Variants in SYNPR observed in about 807,000 individuals in gnomAD.
SYNPR encodes synaptoporin.
In SYNPR, 23 loss-of-function variants were observed where a neutral mutation model predicts 32.9. That is an observed-to-expected ratio of 0.70 (90% confidence interval 0.50 to 0.99). The LOEUF (loss-of-function observed/expected upper bound fraction) is 0.99, where lower values mean the gene tolerates loss of function less well. Among genes scored for constraint, SYNPR ranks in the 50% least tolerant of loss-of-function variants. The pLI is 0.00. For missense variants in SYNPR, 318 were observed against 349.3 expected (o/e 0.91, Z 0.71); for synonymous variants, 146 against 135.9 (o/e 1.07, Z -0.52).
intron 2 of SYNPR, among the ~76,000 whole-genome samples, chr3:63,418,582 T>C (rs183043293): frequency 6.6e-6 from 1 of 151,852 alleles, no homozygotes; most frequent in African/African-American, 2.4e-5. Context: ...GAAAAAGAGG[T>C]TTAATGGACT....
At chr3:63,609,802 C>T (rs747934398) in intron 5 of SYNPR, among the ~76,000 whole-genome samples, 4 of 152,008 alleles carry the variant, frequency 2.6e-5, no homozygotes, top group South Asian at 2.1e-4. Context: ...CCCAGCTACT[C>T]GGAAGGCTGA....
At chr3:63,207,408 T>C in the SYNPR span, among the ~76,000 whole-genome samples, 1 of 152,228 alleles carries the variant, frequency 6.6e-6, no homozygotes, top group Non-Finnish European at 1.5e-5. Context: ...GATTTAATCT[T>C]TGGTTTGACT....
At chr3:63,519,948 A>G (rs1319032201) in intron 3 of SYNPR, among the ~76,000 whole-genome samples, 1 of 152,220 alleles carries the variant, frequency 6.6e-6, no homozygotes, top group Non-Finnish European at 1.5e-5. Context: ...TAGACAATAT[A>G]TGTGTGTGTG....
chr3:63,308,688 T>C lies in SYNPR; in HGVS notation c.84+29946T>C, dbSNP rs148738391. Among the ~76,000 whole-genome samples the C allele has an allele frequency of 2.8e-3, 432 of 152,052 alleles. 2 individuals are homozygous for C. The highest frequency in any genetic ancestry group is 9.6e-3 in the African/African-American group (400 of 41,536). ...AACAAGAAATTTTCTGTAATTCTTA[T>C]CTTTGTTCCTCTGTACATAATGTGT... On this transcript the variant is annotated intron_variant, in intron 2 of 5. Transcript: ENST00000478300.
chr3:63,259,050 A>G (rs1008292881), intron 2 of SYNPR, among the ~76,000 whole-genome samples: 1 of 152,202 alleles, frequency 6.6e-6, no homozygotes, highest in African/African-American at 2.4e-5. Flanking sequence ...GAATACACCA[A>G]TAACAGGCTC....
intron 4 of SYNPR, among the ~76,000 whole-genome samples, chr3:63,584,005 A>G (rs1189523614): frequency 6.6e-6 from 1 of 152,014 alleles, no homozygotes; most frequent in Non-Finnish European, 1.5e-5. Context: ...GATGGGGGTG[A>G]TAGAGGAGAA....
At chr3:63,602,607 T>C (rs895348355) in intron 4 of SYNPR, among the ~76,000 whole-genome samples, 1 of 152,228 alleles carries the variant, frequency 6.6e-6, no homozygotes, top group Non-Finnish European at 1.5e-5. Context: ...GAGGGAGTTC[T>C]TTCCTCATTC....
chr3:63,608,035 C>T (rs568571974), intron 4 of SYNPR, among the ~76,000 whole-genome samples: 23 of 152,094 alleles, frequency 1.5e-4, no homozygotes, highest in African/African-American at 3.6e-4. Context: ...CTTTCCTGGT[C>T]GGCATTTTTA....
intron 3 of SYNPR, among the ~76,000 whole-genome samples, chr3:63,535,847 G>T (rs887172051): frequency 3.3e-5 from 5 of 151,950 alleles, no homozygotes; most frequent in Non-Finnish European, 5.9e-5. Context: ...GAAAATATAG[G>T]AGTAAATTTT....
At chr3:63,211,603 C>A in the SYNPR span, among the ~76,000 whole-genome samples, 1 of 152,038 alleles carries the variant, frequency 6.6e-6, no homozygotes, top group Non-Finnish European at 1.5e-5. Context: ...AAGCTGTTTT[C>A]AATTTTAAGG....
intron 2 of SYNPR, among the ~76,000 whole-genome samples, chr3:63,285,463 G>A (rs146338230): frequency 7.9e-5 from 12 of 152,214 alleles, no homozygotes; most frequent in African/African-American, 1.9e-4. Context: ...TATTTAAATC[G>A]TGAGCAGCAA....
intron 2 of SYNPR, among the ~76,000 whole-genome samples, chr3:63,462,450 G>A (rs998529863): frequency 1.6e-4 from 24 of 152,024 alleles, no homozygotes; most frequent in Non-Finnish European, 2.9e-5. Context: ...TAAGAAAAAT[G>A]TCTGCATACC....
chr3:63,393,682 T>C (rs1293284504), intron 2 of SYNPR, among the ~76,000 whole-genome samples: 32 of 151,842 alleles, frequency 2.1e-4, no homozygotes, highest in African/African-American at 4.8e-5. Flanking sequence ...TGTTTGTTTG[T>C]TTTGTTTTGT....
At chr3:63,373,596 T>A (rs1344359008) in intron 2 of SYNPR, among the ~76,000 whole-genome samples, 1 of 152,072 alleles carries the variant, frequency 6.6e-6, no homozygotes, top group Non-Finnish European at 1.5e-5. Context: ...AAGATCAAAT[T>A]TATGACTCAT....
intron 3 of SYNPR, among the ~76,000 whole-genome samples, chr3:63,493,114 T>C (rs950942707): frequency 2.0e-5 from 3 of 152,056 alleles, no homozygotes; most frequent in African/African-American, 7.2e-5. Context: ...TGGCTGGAAG[T>C]CCCACGGTAT....
intron 2 of SYNPR, among the ~76,000 whole-genome samples, chr3:63,385,227 A>G (rs547986326): frequency 1.3e-5 from 2 of 152,234 alleles, no homozygotes; most frequent in Middle Eastern, 6.8e-3. Context: ...ATACTCCACA[A>G]TGCTTTGAAC....
rs144600544 is a variant in SYNPR, at chr3:63,523,643, T to C, written c.210-32900T>C. Among the ~76,000 whole-genome samples the C allele has an allele frequency of 3.6e-3, 553 of 152,270 alleles. 5 individuals carry two copies. Among genetic ancestry groups the C allele is most frequent in the African/African-American group, 0.012 (518 of 41,554 alleles). On this transcript the variant is annotated intron_variant, in intron 3 of 5. Coordinates refer to ENST00000478300, the MANE Select transcript of SYNPR (RefSeq NM_001130003.2). Reference sequence around the variant, plus strand: ...CTGTGATGGGGGCCACTCATGCTTCTTGGGGATGTCAGAAATAGCCATCTT... The same window carrying C: ...CTGTGATGGGGGCCACTCATGCTTCCTGGGGATGTCAGAAATAGCCATCTT...
intron 1 of SYNPR, among the ~76,000 whole-genome samples, chr3:63,246,860 C>A (rs1037197088): frequency 1.3e-5 from 2 of 150,990 alleles, no homozygotes; most frequent in East Asian, 3.9e-4. Context: ...AATCTCTGAG[C>A]CTTTATTTTA....
chr3:63,575,973 G>A (rs1443806000), intron 4 of SYNPR, among the ~76,000 whole-genome samples: 3 of 152,114 alleles, frequency 2.0e-5, no homozygotes, highest in African/African-American at 7.2e-5. Flanking sequence ...CATGATCCAA[G>A]TGTCATTTTT....
Sources: gnomAD v4.1 joint callset for allele counts (sites outside exome capture counted in the v4.1 genomes callset) on GRCh38, gnomAD v4.1.1 for gene constraint, MANE v1.5 for transcripts, NCBI Gene and HGNC (gene_info 2026-07-23, HGNC 2026-07-21) for gene names.